EPHA5: variants seen among roughly 807,000 people sequenced by gnomAD.
EPHA5 encodes EPH receptor A5.
A neutral mutation model predicts 105.0 loss-of-function variants in EPHA5; 60 were observed. The ratio of observed to expected loss-of-function variants is 0.57; its 90% confidence interval spans 0.46 to 0.71. EPHA5 has a LOEUF of 0.71. EPHA5 is among the 30% of genes least tolerant of loss of function. EPHA5 has a pLI of 0.00. For missense variants in EPHA5, 1,218 were observed against 1,274.7 expected (o/e 0.96, Z 0.68); for synonymous variants, 513 against 449.1 (o/e 1.14, Z -1.80).
intron 3 of EPHA5, among the ~76,000 whole-genome samples, chr4:65,590,208 C>A (rs750768051): frequency 6.6e-6 from 1 of 152,064 alleles, no homozygotes; most frequent in Non-Finnish European, 1.5e-5. Context: ...ATAAACTACA[C>A]CTTTACAGTG....
intron 3 of EPHA5, among the ~76,000 whole-genome samples, chr4:65,518,710 G>T (rs1293382500): frequency 6.6e-6 from 1 of 151,856 alleles, no homozygotes; most frequent in African/African-American, 2.4e-5. Flanking sequence ...TCTGAAGAGG[G>T]GATACATTTC....
At chr4:65,558,921 TAA>T (rs1408113851) in intron 3 of EPHA5, among the ~76,000 whole-genome samples, 1 of 152,154 alleles carries the variant, frequency 6.6e-6, no homozygotes, top group Non-Finnish European at 1.5e-5. Context: ...CAGTGATTTT[TAA>T]AGTGATTTTT....
chr4:65,662,309 T>C (rs1442039926), intron 1 of EPHA5, among the ~76,000 whole-genome samples: 2 of 152,146 alleles, frequency 1.3e-5, no homozygotes. Flanking sequence ...ATATGTAAAA[T>C]ATTTCAACCC....
intron 8 of EPHA5, among the ~76,000 whole-genome samples, chr4:65,391,383 AT>A: frequency 6.6e-6 from 1 of 152,136 alleles, no homozygotes; most frequent in South Asian, 2.1e-4. Context: ...TATTAGAAAC[AT>A]TTTCTTTTTT....
At chr4:65,481,090 T>C (rs1337510353) in intron 5 of EPHA5, among the ~76,000 whole-genome samples, 6 of 152,122 alleles carry the variant, frequency 3.9e-5, no homozygotes, top group Admixed American at 3.9e-4. Flanking sequence ...TTTTGGTGAC[T>C]CAAATTCCAC....
Position 65,602,188 on chromosome 4 carries a change from T to C in EPHA5, c.363A>G (p.Glu121=). ...NWLLTSWISN[E]GASRIFIELK... ...GTTCTATGAAGATTCTGGAAGCACC[T>C]TCATTGGAGATCCAACTGGTCAAAA... The change falls in exon 3 of 17, where the codon GAA becomes GAG. Residue 121 remains glutamate, a synonymous_variant. Coordinates refer to ENST00000613740, the MANE Select transcript of EPHA5 (RefSeq NM_001281766.3). 6.2e-7 allele frequency: 1 copy of C among 1,614,032 alleles called. No individual in the cohort carries two copies. Among genetic ancestry groups the C allele is most frequent in the Non-Finnish European group, 8.5e-7 (1 of 1,180,022 alleles).
At chr4:65,661,266 TTTG>T (rs200328415) in intron 1 of EPHA5, among the ~76,000 whole-genome samples, 3,072 of 152,138 alleles carry the variant, frequency 0.02, 37 homozygotes, top group African/African-American at 0.031. Flanking sequence ...TTTGTATGCT[TTTG>T]TTGTTGTTGT....
rs1560566886 is a variant in EPHA5, at chr4:65,465,471, GAAA to G, written c.1402+24903_1402+24905del. 3.5e-4 allele frequency among the ~76,000 whole-genome samples: 25 copies of G among 72,456 alleles called. 1 individual carries two copies. Among genetic ancestry groups the G allele is most frequent in the African/African-American group, 1.4e-3 (24 of 16,676 alleles). The allele number at this position is 72,456 out of a possible 152,430, so 47.5% of individuals were successfully genotyped here. ...AAGAAAGAAAGAAAAGAAAGAAAAA[GAAA>G]GAAAGAAAGAAAGAAAGAAAGAAAG... On this transcript the variant is annotated intron_variant, in intron 5 of 16. Coordinates refer to ENST00000613740, the MANE Select transcript of EPHA5 (RefSeq NM_001281766.3).
rs1295400881 is a variant in EPHA5 at position 65,453,319 on chromosome 4, C to CT, written c.1403-32755dup. 2.6e-5 allele frequency among the ~76,000 whole-genome samples: 4 copies of CT among 152,118 alleles called. No homozygotes were observed. In the East Asian group the frequency reaches 7.7e-4, roughly 29 times the overall value. On this transcript the variant is annotated intron_variant, in intron 5 of 16. Coordinates refer to ENST00000613740, the MANE Select transcript of EPHA5 (RefSeq NM_001281766.3). ...AACATGTTTTTACAATCTGTCACGT[C>CT]TTTTTTTCCAAGATATGTGAAAATA...
At chr4:65,465,530 AAGAAAGGAAAGGAAGG>A (rs1187660094) in intron 5 of EPHA5, among the ~76,000 whole-genome samples, 12 of 88,550 alleles carry the variant, frequency 1.4e-4, no homozygotes, top group African/African-American at 5.2e-4. Flanking sequence ...AAAGAAAGAA[AAGAAAGGAAAGGAAGG>A]AAAGGAAGGA....
chr4:65,365,541 AGTAATAAGAAGAGAAAAGCCAACCAG>A (rs1033726205), intron 10 of EPHA5, among the ~76,000 whole-genome samples: 1 of 149,566 alleles, frequency 6.7e-6, no homozygotes, highest in African/African-American at 2.4e-5. Context: ...CTACCGTAGT[AGTAATAAGAAGAGAAAAGCCAACCAG>A]GTTATAGCTA....
chr4:65,520,695 C>T (rs1034202553), intron 3 of EPHA5, among the ~76,000 whole-genome samples: 1 of 152,046 alleles, frequency 6.6e-6, no homozygotes, highest in East Asian at 1.9e-4. Context: ...AAAAACAACC[C>T]CATCAAAAAT....
At chr4:65,446,850 G>A (rs182332761) in intron 5 of EPHA5, among the ~76,000 whole-genome samples, 1 of 152,114 alleles carries the variant, frequency 6.6e-6, no homozygotes, top group Admixed American at 6.6e-5. Context: ...CAAAAGCAGG[G>A]ACAAATAACA....
At chr4:65,466,688 T>C (rs1194113528) in intron 5 of EPHA5, among the ~76,000 whole-genome samples, 1 of 152,182 alleles carries the variant, frequency 6.6e-6, no homozygotes. Context: ...GTAGAATAGT[T>C]AGAATTCACT....
At chr4:65,569,168 G>T (rs999103173) in intron 3 of EPHA5, among the ~76,000 whole-genome samples, 1 of 151,366 alleles carries the variant, frequency 6.6e-6, no homozygotes, top group Non-Finnish European at 1.5e-5. Flanking sequence ...AAAAAATTTA[G>T]GTTAGGCTCA....
intron 1 of EPHA5, among the ~76,000 whole-genome samples, chr4:65,658,848 A>G (rs189239276): frequency 2.0e-3 from 309 of 152,198 alleles, no homozygotes; most frequent in Non-Finnish European, 3.4e-3. Context: ...CTAATTTTTT[A>G]ATAGATCAAA....
intron 14 of EPHA5, among the ~76,000 whole-genome samples, chr4:65,347,744 C>A (rs980880444): frequency 5.9e-5 from 9 of 152,110 alleles, no homozygotes; most frequent in African/African-American, 1.9e-4. Flanking sequence ...AGTATTCATT[C>A]TTTGATGGCT....
At chr4:65,420,407 A>G (rs777122279) in intron 6 of EPHA5, 34 bp downstream of exon 6, 36 of 1,521,860 alleles carry the variant, frequency 2.4e-5, no homozygotes, top group Non-Finnish European at 3.2e-5. Flanking sequence ...AAAAAAAAAG[A>G]AAGTGAGGAC....
At chr4:65,402,428 G>T (rs538310172) in intron 8 of EPHA5, among the ~76,000 whole-genome samples, 1 of 152,264 alleles carries the variant, frequency 6.6e-6, no homozygotes, top group East Asian at 1.9e-4. Flanking sequence ...TATCTAATGT[G>T]AAAGATGCCA....
Sources: gnomAD v4.1 joint callset for allele counts (sites outside exome capture counted in the v4.1 genomes callset) on GRCh38, gnomAD v4.1.1 for gene constraint, MANE v1.5 for transcripts, NCBI Gene and HGNC (gene_info 2026-07-23, HGNC 2026-07-21) for gene names.